The following LY6S variants were observed in gnomAD, a reference collection of about 807,000 sequenced individuals.
The protein encoded by LY6S is lymphocyte antigen 6 family member S.
chr8:143,065,762 C>G, the LY6S span, among the ~76,000 whole-genome samples: 1 of 148,838 alleles, frequency 6.7e-6, no homozygotes, highest in African/African-American at 2.5e-5. Flanking sequence ...TTCTTTCTTT[C>G]TTTCTTTTCT....
chr8:143,043,328 T>C, the LY6S span: 3 of 1,078,192 alleles, frequency 2.8e-6, no homozygotes, highest in Non-Finnish European at 3.8e-6. Context: ...TGTTCTCCCC[T>C]CTCACTTTAC....
the LY6S span, among the ~76,000 whole-genome samples, chr8:143,063,434 G>A: frequency 6.6e-5 from 10 of 152,220 alleles, no homozygotes; most frequent in African/African-American, 2.4e-4. Context: ...GAGTACTTGG[G>A]ACAACTGCAG....
Sources: gnomAD v4.1 joint callset for allele counts (sites outside exome capture counted in the v4.1 genomes callset) on GRCh38, gnomAD v4.1.1 for gene constraint, MANE v1.5 for transcripts, NCBI Gene and HGNC (gene_info 2026-07-23, HGNC 2026-07-21) for gene names.